MICAL3: variants seen among roughly 807,000 people sequenced by gnomAD.
MICAL3 encodes the protein [F-actin]-monooxygenase MICAL3.
In MICAL3, 62 loss-of-function variants were observed where a neutral mutation model predicts 207.4. The ratio of observed to expected loss-of-function variants is 0.30; its 90% CI spans 0.24 to 0.37. The LOEUF (loss-of-function observed/expected upper bound fraction) is 0.37, where lower values mean the gene tolerates loss of function less well. MICAL3 is among the 10% of genes least tolerant of loss of function. The probability of loss-of-function intolerance (pLI) is 1.00; values close to 1 mark genes in which losing one functional copy is unlikely to be tolerated. For synonymous variants in MICAL3, 1,077 were observed against 1,069.3 expected (o/e 1.01, Z -0.14); for missense variants, 2,368 against 2,635.6 (o/e 0.90, Z 2.22).
chr22:17,979,453 G>A (rs1429500676), intron 1 of MICAL3, among the ~76,000 whole-genome samples: 3 of 152,128 alleles, frequency 2.0e-5, no homozygotes, highest in Non-Finnish European at 2.9e-5. Context: ...TGTGAGGCAG[G>A]AGAATCACTT....
intron 21 of MICAL3, among the ~76,000 whole-genome samples, 161 bp from the exon 22 acceptor site, chr22:17,827,942 C>CACAA (rs145670866): frequency 6.6e-6 from 1 of 151,972 alleles, no homozygotes; most frequent in Non-Finnish European, 1.5e-5. Flanking sequence ...TATACACACA[C>CACAA]ACACACACAC....
chr22:17,965,844 C>T (rs1052136189), intron 1 of MICAL3, among the ~76,000 whole-genome samples: 9 of 152,192 alleles, frequency 5.9e-5, no homozygotes, highest in Non-Finnish European at 1.2e-4. Context: ...AACTAGTAAG[C>T]TATAAAGCCA....
chr22:17,933,188 G>T (rs148789254), intron 1 of MICAL3, among the ~76,000 whole-genome samples: 1 of 152,156 alleles, frequency 6.6e-6, no homozygotes. Context: ...GCACCACATC[G>T]CACTTATTCT....
chr22:17,997,712 C>T (rs5747440), intron 1 of MICAL3, among the ~76,000 whole-genome samples: 35,126 of 152,060 alleles, frequency 0.23, 4,722 homozygotes, highest in East Asian at 0.52. Flanking sequence ...CTCACTATCA[C>T]TCCCTTGACC....
intron 20 of MICAL3, among the ~76,000 whole-genome samples, chr22:17,838,655 C>T (rs1923661690): frequency 6.6e-6 from 1 of 152,200 alleles, no homozygotes; most frequent in Admixed American, 6.5e-5. Context: ...CTTTGTTTGA[C>T]TCCAAAGTCA....
At chr22:17,817,229 T>C in intron 26 of MICAL3, 82 bp downstream of exon 26, 1 of 1,450,692 alleles carries the variant, frequency 6.9e-7, no homozygotes, top group Non-Finnish European at 9.1e-7. Flanking sequence ...CGTGTGAGTG[T>C]GGATCCTGAG....
intron 1 of MICAL3, among the ~76,000 whole-genome samples, chr22:17,955,353 G>T (rs1388226681): frequency 6.6e-6 from 1 of 152,176 alleles, no homozygotes; most frequent in Admixed American, 6.5e-5. Context: ...TGTCTGCCCT[G>T]CCCCAACACC....
At chr22:17,879,536 A>G (rs1487896306) in intron 16 of MICAL3, 1 of 638,906 alleles carries the variant, frequency 1.6e-6, no homozygotes, top group African/African-American at 1.9e-5. Flanking sequence ...CCCCATCCCC[A>G]GGTAACCATA....
intron 1 of MICAL3, among the ~76,000 whole-genome samples, chr22:17,922,039 C>T (rs1170967533): frequency 6.6e-6 from 1 of 152,154 alleles, no homozygotes; most frequent in Non-Finnish European, 1.5e-5. Context: ...GCCTACAACG[C>T]CCCTCCTGCA....
Position 17,817,882 on chromosome 22 carries a change from G to A in MICAL3, c.4779C>T (p.Ala1593=), listed in dbSNP as rs750961047. ...TCTCCCTGGCTCGCATGCGCTCCTC[G>A]GCCAACTCCTTGGCTTCCGCGGACA... The part of the protein sequence containing the change: ...PLVSAEAKEL[A]EERMRAREKS... The change falls in exon 26 of 32, where the codon GCC becomes GCT. Residue 1593 remains alanine, a synonymous_variant. Transcript: ENST00000441493. The A allele has an allele frequency of 2.3e-5, 37 of 1,612,194 alleles. No individual in the cohort carries two copies. The South Asian group carries it at 3.0e-4, about 13-fold the overall frequency.
At chr22:17,978,672 C>T (rs964418110) in intron 1 of MICAL3, among the ~76,000 whole-genome samples, 4 of 151,878 alleles carry the variant, frequency 2.6e-5, no homozygotes, top group African/African-American at 7.2e-5. Flanking sequence ...GCAGCTACCA[C>T]CACACCCAGC....
chr22:17,920,914 A>G (rs556506025), intron 1 of MICAL3, among the ~76,000 whole-genome samples: 32 of 152,284 alleles, frequency 2.1e-4, no homozygotes, highest in African/African-American at 7.7e-4. Context: ...TTGGGGCCCC[A>G]AACTCACTAA....
At chr22:17,959,396 C>A (rs887867141) in intron 1 of MICAL3, among the ~76,000 whole-genome samples, 7 of 149,508 alleles carry the variant, frequency 4.7e-5, no homozygotes, top group Admixed American at 4.6e-4. Context: ...TTCACTGCAA[C>A]CTCTGACCCA....
chr22:17,908,730 A>G (rs191161509), intron 1 of MICAL3, among the ~76,000 whole-genome samples: 1 of 152,290 alleles, frequency 6.6e-6, no homozygotes, highest in Admixed American at 6.5e-5. Flanking sequence ...AGTGACCAAC[A>G]CAACTGGACT....
Position 17,796,828 on chromosome 22 carries a change from C to T in MICAL3, c.5651-5527G>A, listed in dbSNP as rs73382712. ...AGTCGGGGTACCCCCTACACTACCACCTGGCCCTTGGCGCACCCGAGCACC... is the reference window on the plus strand; with the variant it reads ...AGTCGGGGTACCCCCTACACTACCATCTGGCCCTTGGCGCACCCGAGCACC... On this transcript the variant is annotated intron_variant, in intron 29 of 31. Coordinates refer to ENST00000441493, the MANE Select transcript of MICAL3 (RefSeq NM_015241.3). This position sits in a 1 kb window ranked among gnomAD's most constrained non-coding sequence, Gnocchi z 4.4. 8.4e-3 allele frequency among the ~76,000 whole-genome samples: 1,285 copies of T among 152,292 alleles called. 15 individuals are homozygous for T. The highest frequency in any genetic ancestry group is 0.03 in the African/African-American group (1,239 of 41,572).
intron 1 of MICAL3, among the ~76,000 whole-genome samples, chr22:18,003,882 G>C (rs1327798068): frequency 3.9e-5 from 6 of 151,934 alleles, no homozygotes; most frequent in Admixed American, 6.6e-5. Context: ...TGATTCTCCT[G>C]CCTCAGCCTC....
intron 19 of MICAL3, among the ~76,000 whole-genome samples, chr22:17,857,951 C>T (rs765920172): frequency 3.3e-5 from 5 of 152,208 alleles, no homozygotes; most frequent in Admixed American, 6.5e-5. Context: ...AACCTCTTGC[C>T]CACTGTCCTT....
rs532464581 is a variant in MICAL3 at position 17,853,928 on chromosome 22, G to T, written c.2605+10971C>A. Reference sequence around the variant, plus strand: ...GTACAGGGTCCCGACGTGTGAGAAAGCACAGCCACTAGGAAGTGTGTTCAC... The same window carrying T: ...GTACAGGGTCCCGACGTGTGAGAAATCACAGCCACTAGGAAGTGTGTTCAC... On this transcript the variant is annotated intron_variant, in intron 19 of 31. Coordinates refer to ENST00000441493, the MANE Select transcript of MICAL3 (RefSeq NM_015241.3). 4.6e-5 allele frequency among the ~76,000 whole-genome samples: 7 copies of T among 152,338 alleles called. No homozygotes were observed. In the South Asian group the frequency reaches 1.4e-3, roughly 32 times the overall value.
chr22:17,818,162 T>C lies in MICAL3; in HGVS notation c.4499A>G (p.Glu1500Gly), dbSNP rs1212769109. 3 of 1,598,466 alleles carry C rather than the reference T, an allele frequency of 1.9e-6. No individual in the cohort carries two copies. Among genetic ancestry groups the C allele is most frequent in the Non-Finnish European group, 2.6e-6 (3 of 1,174,532 alleles). Reference sequence around the variant, plus strand: ...CTCCTCTCTGGGGGGCTGAGCAGGCTCCCGGGGGGGCCGCATCCAGGTGGC... The same window carrying C: ...CTCCTCTCTGGGGGGCTGAGCAGGCCCCCGGGGGGGCCGCATCCAGGTGGC... ...LPATWMRPPR[E>G]PAQPPREEVR... The change falls in exon 26 of 32, where the codon GAG becomes GGG. Residue 1500 changes from glutamate (E) to glycine (G), a missense_variant. Coordinates refer to ENST00000441493, the MANE Select transcript of MICAL3 (RefSeq NM_015241.3).
Sources: allele counts gnomAD v4.1 joint callset (sites outside exome capture counted in the v4.1 genomes callset), GRCh38; gene constraint gnomAD v4.1.1; non-coding constraint Gnocchi (gnomAD v3.1); transcripts MANE v1.5; gene names NCBI Gene and HGNC (gene_info 2026-07-23, HGNC 2026-07-21).